Variants in KHDRBS2 observed in about 807,000 individuals in gnomAD.
KHDRBS2 encodes KH domain-containing, RNA-binding, signal transduction-associated protein 2.
In KHDRBS2, 26 loss-of-function variants were observed where a neutral mutation model predicts 44.3. The observed-to-expected ratio is 0.59, with a 90% CI of 0.43 to 0.81. The LOEUF is 0.81. Ranked by LOEUF, KHDRBS2 falls within the 40% of genes least tolerant of loss-of-function variation. KHDRBS2 has a pLI of 0.00. For synonymous variants in KHDRBS2, 194 were observed against 151.1 expected, an observed-to-expected ratio of 1.28 and a Z score of -2.08; for missense variants, 476 against 433.1, an observed-to-expected ratio of 1.10 and a Z score of -0.88.
intron 1 of KHDRBS2, among the ~76,000 whole-genome samples, chr6:62,270,368 T>C (rs536732477): frequency 7.7e-6 from 1 of 129,514 alleles, no homozygotes; most frequent in South Asian, 2.8e-4. Flanking sequence ...ATGTGACATA[T>C]CAGCTCCTCT....
At chr6:61,586,584 A>G in the KHDRBS2 span, among the ~76,000 whole-genome samples, 64 of 152,290 alleles carry the variant, frequency 4.2e-4, no homozygotes, top group Middle Eastern at 3.4e-3. Context: ...ATAGGACTCT[A>G]TAGAGGAATT....
chr6:62,273,145 C>G (rs879434500), intron 1 of KHDRBS2, among the ~76,000 whole-genome samples: 1 of 152,152 alleles, frequency 6.6e-6, no homozygotes, highest in African/African-American at 2.4e-5. Flanking sequence ...TCTCATTTTA[C>G]TGTCCCCATT....
chr6:62,278,629 A>G lies in KHDRBS2; in HGVS notation c.91+7229T>C, dbSNP rs898046019. ...AAACACATAAATGAATGCGGATGGGACATTACAGATAAACATAAGAAGACT... is the reference window on the plus strand; with the variant it reads ...AAACACATAAATGAATGCGGATGGGGCATTACAGATAAACATAAGAAGACT... On this transcript the variant is annotated intron_variant, in intron 1 of 8. Coordinates refer to ENST00000281156, the MANE Select transcript of KHDRBS2 (RefSeq NM_152688.4). Among the ~76,000 whole-genome samples the G allele has an allele frequency of 2.0e-5, 3 of 152,200 alleles. No individual in the cohort carries two copies. The East Asian group carries it at 5.8e-4, about 29-fold the overall frequency.
At chr6:62,091,355 A>C (rs1799469926) in intron 2 of KHDRBS2, among the ~76,000 whole-genome samples, 2 of 152,176 alleles carry the variant, frequency 1.3e-5, no homozygotes, top group Non-Finnish European at 2.9e-5. Context: ...TAAAATATCA[A>C]CCTGTATTTA....
chr6:61,744,745 CTTCTAGAGTTCTATATAACA>C (rs1479412980), intron 6 of KHDRBS2, among the ~76,000 whole-genome samples: 1 of 151,790 alleles, frequency 6.6e-6, no homozygotes, highest in Non-Finnish European at 1.5e-5. Context: ...ATTCCTTTGT[CTTCTAGAGTTCTATATAACA>C]TTTTACCCAA....
intron 2 of KHDRBS2, among the ~76,000 whole-genome samples, chr6:62,116,783 C>T (rs1806334188): frequency 6.6e-6 from 1 of 152,088 alleles, no homozygotes; most frequent in Non-Finnish European, 1.5e-5. Context: ...CCCCTCTCAG[C>T]CTCTGGTAAC....
chr6:61,556,541 A>G, the KHDRBS2 span, among the ~76,000 whole-genome samples: 1 of 152,158 alleles, frequency 6.6e-6, no homozygotes, highest in Non-Finnish European at 1.5e-5. Context: ...TGCCTACCAA[A>G]TACCCAAGTC....
intron 2 of KHDRBS2, among the ~76,000 whole-genome samples, chr6:62,099,582 C>T (rs370359021): frequency 2.6e-5 from 4 of 152,134 alleles, no homozygotes; most frequent in East Asian, 3.9e-4. Context: ...GGTCAGGAAC[C>T]GTGGGGCTGT....
At chr6:61,956,355 T>C (rs73482858) in intron 4 of KHDRBS2, among the ~76,000 whole-genome samples, 6,828 of 152,252 alleles carry the variant, frequency 0.045, 541 homozygotes, top group African/African-American at 0.16. Flanking sequence ...AAAGACATCA[T>C]AGGGGGTAAA....
chr6:62,107,396 G>A (rs895102347), intron 2 of KHDRBS2, among the ~76,000 whole-genome samples: 3 of 152,226 alleles, frequency 2.0e-5, no homozygotes, highest in Non-Finnish European at 2.9e-5. Flanking sequence ...GGGACGTGAA[G>A]GACCTCTTCA....
downstream of KHDRBS2, among the ~76,000 whole-genome samples, chr6:61,675,492 C>T (rs1765877663): frequency 6.6e-6 from 1 of 151,612 alleles, no homozygotes; most frequent in Non-Finnish European, 1.5e-5. Flanking sequence ...ACTGTTAGTG[C>T]TTCAACGGTT....
intron 7 of KHDRBS2, among the ~76,000 whole-genome samples, chr6:61,705,789 C>T (rs1769422428): frequency 6.6e-6 from 1 of 151,764 alleles, no homozygotes; most frequent in African/African-American, 2.4e-5. Context: ...CTTCTCAGCA[C>T]CCTCTCAATC....
At chr6:61,556,406 T>C in the KHDRBS2 span, among the ~76,000 whole-genome samples, 1 of 152,224 alleles carries the variant, frequency 6.6e-6, no homozygotes, top group Admixed American at 6.5e-5. Flanking sequence ...GTCAAGCTTA[T>C]GGTGACAAAT....
intron 2 of KHDRBS2, among the ~76,000 whole-genome samples, chr6:62,090,146 AC>A (rs1168479135): frequency 1.3e-5 from 2 of 152,206 alleles, no homozygotes; most frequent in Admixed American, 6.5e-5. Context: ...AACAACAGAA[AC>A]AAAAAAATTA....
At chr6:62,061,060 T>C (rs986923359) in intron 2 of KHDRBS2, among the ~76,000 whole-genome samples, 1 of 151,972 alleles carries the variant, frequency 6.6e-6, no homozygotes, top group Admixed American at 6.6e-5. Flanking sequence ...TTTGAGCCTA[T>C]GTGTGTCTCT....
At chr6:62,060,496 C>A (rs1216086169) in intron 2 of KHDRBS2, among the ~76,000 whole-genome samples, 2 of 151,508 alleles carry the variant, frequency 1.3e-5, no homozygotes, top group South Asian at 4.2e-4. Context: ...CTGGATTTGG[C>A]AATTAGGAAA....
chr6:61,935,739 A>G (rs1437837974), intron 4 of KHDRBS2, among the ~76,000 whole-genome samples: 1 of 152,116 alleles, frequency 6.6e-6, no homozygotes, highest in Non-Finnish European at 1.5e-5. Flanking sequence ...ACTCATTTTA[A>G]AGTTAGTGAA....
At chr6:62,018,358 C>A (rs1473517357) in intron 3 of KHDRBS2, among the ~76,000 whole-genome samples, 1 of 145,516 alleles carries the variant, frequency 6.9e-6, no homozygotes, top group Non-Finnish European at 1.5e-5. Flanking sequence ...TCCTTCTCAC[C>A]CAAATATTTT....
chr6:62,083,137 G>C (rs528562587), intron 2 of KHDRBS2, among the ~76,000 whole-genome samples: 1 of 151,816 alleles, frequency 6.6e-6, no homozygotes, highest in South Asian at 2.1e-4. Context: ...CCCTGCCCCC[G>C]ATTCTGTAGC....
Sources: gnomAD v4.1 joint callset for allele counts (sites outside exome capture counted in the v4.1 genomes callset) on GRCh38, gnomAD v4.1.1 for gene constraint, MANE v1.5 for transcripts, NCBI Gene and HGNC (gene_info 2026-07-23, HGNC 2026-07-21) for gene names.